Variants in LSM11 observed in about 807,000 individuals in gnomAD.
LSM11 encodes the protein U7 snRNA-associated Sm-like protein LSm11.
In LSM11, 14 loss-of-function variants were observed where a neutral mutation model predicts 28.1. The observed-to-expected ratio is 0.50, with a 90% CI of 0.33 to 0.78. The LOEUF is 0.78. LSM11 is among the 30% of genes least tolerant of loss of function. The pLI, the probability that LSM11 is intolerant of heterozygous loss-of-function variation, is 0.02. For missense variants in LSM11, 495 were observed against 510.6 expected, an observed-to-expected ratio of 0.97 and a Z score of 0.30; for synonymous variants, 207 against 214.2, an observed-to-expected ratio of 0.97 and a Z score of 0.30.
rs1761099911 is a variant in LSM11, at chr5:157,743,794, G to T, written c.44G>T (p.Ser15Ile). The T allele has an allele frequency of 1.7e-5, 25 of 1,452,860 alleles. No homozygotes were observed. Among genetic ancestry groups the T allele is most frequent in the Non-Finnish European group, 2.3e-5 (25 of 1,106,318 alleles). 90.0% of individuals were successfully genotyped at this position (1,452,860 alleles called of 1,614,324 possible). The stretch of plus-strand genomic sequence containing the variant: ...GGGGCGAGGTCGGCTGGCGCCGGGA[G>T]CCCCGCGCGCCCGCCCAGCCCGCGG... ...ERGARSAGAG[S>I]PARPPSPRLD... The change falls in exon 1 of 4, where the codon AGC (serine) becomes ATC (isoleucine). Residue 15 changes from serine (S) to isoleucine (I), a missense_variant. Physicochemically the swap from Ser to Ile is moderately radical, Grantham distance 142. Coordinates refer to ENST00000286307, the MANE Select transcript of LSM11 (RefSeq NM_173491.4).
In LSM11 at chr5:157,743,812, G is replaced by T. The variant is rs1332795393; in HGVS notation, c.62G>T (p.Ser21Ile). ...AGAGSPARPPSPRLDVSSDSF... is the reference protein window; with the variant it reads ...AGAGSPARPPIPRLDVSSDSF... Reference sequence around the variant, plus strand: ...GCCGGGAGCCCCGCGCGCCCGCCCAGCCCGCGGCTGGATGTCAGCTCTGAC... The same window carrying T: ...GCCGGGAGCCCCGCGCGCCCGCCCATCCCGCGGCTGGATGTCAGCTCTGAC... The change falls in exon 1 of 4, where the codon AGC becomes ATC. Residue 21 changes from serine (S) to isoleucine (I), a missense_variant. Ser to Ile is a moderately radical substitution (Grantham distance 142). Coordinates refer to ENST00000286307, the MANE Select transcript of LSM11 (RefSeq NM_173491.4). The T allele has an allele frequency of 1.3e-6, 2 of 1,508,786 alleles. No homozygotes were observed. Among genetic ancestry groups the T allele is most frequent in the Non-Finnish European group, 8.8e-7 (1 of 1,132,822 alleles). The allele number at this position is 1,508,786 out of a possible 1,614,324, so 93.5% of individuals were successfully genotyped here.
chr5:157,753,988 TGG>T lies in LSM11; in HGVS notation c.589-14_589-13del. 6.7e-7 allele frequency: 1 copy of T among 1,503,218 alleles called. No individual in the cohort carries two copies. Among genetic ancestry groups the T allele is most frequent in the Non-Finnish European group, 8.9e-7 (1 of 1,125,738 alleles). 93.1% of individuals were successfully genotyped at this position (1,503,218 alleles called of 1,614,324 possible). Reference sequence around the variant, plus strand: ...TAATTCTGTCTAATGTTTTTCCTTTTGGGCTGTTCCTCTAGGCACTTACTGAT... The same window carrying T: ...TAATTCTGTCTAATGTTTTTCCTTTTGCTGTTCCTCTAGGCACTTACTGAT... On this transcript the variant is annotated splice_polypyrimidine_tract_variant and intron_variant, in intron 2 of 3. Transcript: ENST00000286307.
Position 157,757,497 on chromosome 5 carries a change from GT to G in LSM11, c.*2236del, listed in dbSNP as rs1761345510. ...GGCAATCTGTGGAAGTTTGTTGTTT[GT>G]TTGTTTTTATTTTTAAATGCATTGT... On this transcript the variant is annotated 3_prime_UTR_variant, in exon 4 of 4. Transcript: ENST00000286307. The G allele has an allele frequency of 6.6e-6, 1 of 152,150 alleles. No individual in the cohort carries two copies. The highest frequency in any genetic ancestry group is 2.4e-5 in the African/African-American group (1 of 41,446). 9.4% of individuals were successfully genotyped at this position (152,150 alleles called of 1,614,324 possible).
In LSM11 at chr5:157,751,422, C is replaced by G; in HGVS notation, c.481C>G (p.Arg161Gly). 1 of 1,609,746 alleles carries G rather than the reference C, an allele frequency of 6.2e-7. No individual in the cohort carries two copies. The highest frequency in any genetic ancestry group is 8.5e-7 in the Non-Finnish European group (1 of 1,178,426). Residue 161 changes from arginine to glycine, a missense_variant, in exon 2 of 4, where the codon CGC (arginine) becomes GGC (glycine). By Grantham distance (125) the Arg-to-Gly change is moderately radical. Coordinates refer to ENST00000286307, the MANE Select transcript of LSM11 (RefSeq NM_173491.4). ...AGGCAGCCCTCTGGGTGAACTCCAT[C>G]GCTGTATCCGTGAGGGGGTGAAGGT... ...HEGSPLGELH[R>G]CIREGVKVNV...
rs1458871842 is a variant in LSM11 at position 157,744,039 on chromosome 5, C to G, written c.289C>G (p.Arg97Gly). The change falls in exon 1 of 4, where the codon CGT (arginine) becomes GGT (glycine). Residue 97 changes from arginine (R) to glycine (G), a missense_variant. Arg to Gly is a moderately radical substitution (Grantham distance 125). Transcript: ENST00000286307. ...CGCACCCGGGCCCTCGGGCAGGACT[C>G]GTCGCCGCCCGGACGCGCCCGCCCC... ...PAAPGPSGRT[R>G]RRPDAPAPDP... is the part of the protein sequence containing the mutation. The G allele has an allele frequency of 2.8e-6, 4 of 1,421,790 alleles. No individual in the cohort carries two copies. Among genetic ancestry groups the G allele is most frequent in the Non-Finnish European group, 3.7e-6 (4 of 1,086,164 alleles). 88.1% of individuals were successfully genotyped at this position (1,421,790 alleles called of 1,614,324 possible).
Position 157,743,895 on chromosome 5 carries a change from A to C in LSM11, c.145A>C (p.Asn49His). ...CCGCCTGCCTCCCATTCCCTACCCC[A>C]ATGCCCCCTGCTTCAACAACGTGGC... ...APRLPPIPYP[N>H]APCFNNVAEY... The change falls in exon 1 of 4, where the codon AAT becomes CAT. Residue 49 changes from asparagine (N) to histidine (H), a missense_variant. By Grantham distance (68) the Asn-to-His change is moderately conservative (BLOSUM62 1). Coordinates refer to ENST00000286307, the MANE Select transcript of LSM11 (RefSeq NM_173491.4). 1 of 1,539,444 alleles carries C rather than the reference A, an allele frequency of 6.5e-7. No homozygotes were observed. The highest frequency in any genetic ancestry group is 8.7e-7 in the Non-Finnish European group (1 of 1,143,824).
intron 2 of LSM11, among the ~76,000 whole-genome samples, chr5:157,753,227 G>C (rs1203397959): frequency 6.6e-6 from 1 of 152,160 alleles, no homozygotes. Flanking sequence ...ATCATCACTT[G>C]GTAACTGTGT....
In LSM11 at chr5:157,751,511, C is replaced by G; in HGVS notation, c.570C>G (p.Phe190Leu). 1 of 1,612,310 alleles carries G rather than the reference C, an allele frequency of 6.2e-7. No homozygotes were observed. Among genetic ancestry groups the G allele is most frequent in the Non-Finnish European group, 8.5e-7 (1 of 1,179,320 alleles). The stretch of plus-strand genomic sequence containing the variant: ...TCTGTACAGGCTTCCTTGTTGCATT[C>G]GACAAGTTCTGGAATATGGTAATTA... ...RGVCTGFLVA[F>L]DKFWNMALTD... The change falls in exon 2 of 4, where the codon TTC (phenylalanine) becomes TTG (leucine). Residue 190 changes from phenylalanine (F) to leucine (L), a missense_variant. Phe to Leu is a conservative substitution (Grantham distance 22). Transcript: ENST00000286307.
intron 1 of LSM11, among the ~76,000 whole-genome samples, chr5:157,748,067 C>G (rs1425796728): frequency 6.6e-6 from 1 of 151,994 alleles, no homozygotes; most frequent in African/African-American, 2.4e-5. Context: ...AGGGAAGACA[C>G]TGATGTGCCT....
At chr5:157,749,730 C>T (rs1414604787) in intron 1 of LSM11, among the ~76,000 whole-genome samples, 3 of 152,206 alleles carry the variant, frequency 2.0e-5, no homozygotes, top group Admixed American at 6.5e-5. Context: ...GTCACTGCTT[C>T]GTGTCGCTTC....
Position 157,755,000 on chromosome 5 carries a change from C to T in LSM11, c.819C>T (p.Gly273=), listed in dbSNP as rs1761301642. Residue 273 remains glycine, a synonymous_variant, in exon 4 of 4, where the codon GGC becomes GGT. Transcript: ENST00000286307. ...SVWGRADTGR[G]SHKRSRSVPS... ...GGGGAAGAGCAGACACTGGCCGGGG[C>T]TCACACAAGCGTTCCCGCTCTGTCC... The T allele has an allele frequency of 1.2e-6, 2 of 1,614,090 alleles. No homozygotes were observed. The highest frequency in any genetic ancestry group is 1.3e-5 in the African/African-American group (1 of 74,940).
chr5:157,750,161 G>A (rs1761209232), intron 1 of LSM11, among the ~76,000 whole-genome samples: 1 of 152,156 alleles, frequency 6.6e-6, no homozygotes, highest in Non-Finnish European at 1.5e-5. Context: ...TGAGCTAGGG[G>A]GATCGCTTGA....
In LSM11 at chr5:157,744,112, A is replaced by G; in HGVS notation, c.362A>G (p.Glu121Gly). ...CTCCGCCGTCTCATGGTGGCCAAAG[A>G]GGAAGGGGACGGGGCCGCAGGAGCG... ...QRLRRLMVAK[E>G]EGDGAAGAGR... The change falls in exon 1 of 4, where the codon GAG (glutamate) becomes GGG (glycine). Residue 121 changes from glutamate to glycine, a missense_variant. Glu to Gly is a moderately conservative substitution (Grantham distance 98, BLOSUM62 -2). Coordinates refer to ENST00000286307, the MANE Select transcript of LSM11 (RefSeq NM_173491.4). The G allele has an allele frequency of 6.7e-7, 1 of 1,486,140 alleles. No individual in the cohort carries two copies. The highest frequency in any genetic ancestry group is 8.9e-7 in the Non-Finnish European group (1 of 1,123,500). The allele number at this position is 1,486,140 out of a possible 1,614,324, so 92.1% of individuals were successfully genotyped here. A position where few individuals can be genotyped will look rare whatever the true frequency, so the allele number is the denominator to read the frequency against.
chr5:157,743,992 CCG>C lies in LSM11; in HGVS notation c.245_246del (p.Ala82GlyfsTer76), dbSNP rs1561618410. 1 of 1,267,418 alleles carries C rather than the reference CCG, an allele frequency of 7.9e-7. No homozygotes were observed. The allele number at this position is 1,267,418 out of a possible 1,614,324, so 78.5% of individuals were successfully genotyped here. A position where few individuals can be genotyped will look rare whatever the true frequency, so the allele number is the denominator to read the frequency against. On this transcript the variant is annotated frameshift_variant, in exon 1 of 4. Coordinates refer to ENST00000286307, the MANE Select transcript of LSM11 (RefSeq NM_173491.4). LOFTEE classifies it high-confidence loss of function. ...GGGCGCGGGCGGGCTCGGGGCGCGGCCGCGGGCTCTGGGGTTCCCGCCGCACC... is the reference window on the plus strand; with the variant it reads ...GGGCGCGGGCGGGCTCGGGGCGCGGCCGGGCTCTGGGGTTCCCGCCGCACC...
chr5:157,752,282 A>G (rs1356977621), intron 2 of LSM11, among the ~76,000 whole-genome samples: 2 of 150,306 alleles, frequency 1.3e-5, no homozygotes. Context: ...GGCCCCTGCC[A>G]CCATGCCCAG....
At chr5:157,754,169 G>C in intron 3 of LSM11, 82 bp downstream of exon 3, 1 of 924,874 alleles carries the variant, frequency 1.1e-6, no homozygotes, top group Non-Finnish European at 1.6e-6. Context: ...CAGTGACTAG[G>C]ATTTCCTAGA....
intron 2 of LSM11, among the ~76,000 whole-genome samples, chr5:157,751,741 G>A (rs1007605040): frequency 2.6e-5 from 4 of 152,104 alleles, no homozygotes; most frequent in African/African-American, 9.7e-5. Context: ...AGGTAATTTT[G>A]TTCTTCCTTC....
intron 1 of LSM11, among the ~76,000 whole-genome samples, 196 bp downstream of exon 1, chr5:157,744,394 G>A (rs958131275): frequency 6.6e-6 from 1 of 152,176 alleles, no homozygotes; most frequent in Admixed American, 6.5e-5. Flanking sequence ...GGCGTGGGGA[G>A]GGTCACCCTG....
At chr5:157,750,990 C>T (rs1483183881) in intron 1 of LSM11, among the ~76,000 whole-genome samples, 1 of 152,114 alleles carries the variant, frequency 6.6e-6, no homozygotes, top group East Asian at 1.9e-4. Flanking sequence ...CCATGTTGGC[C>T]AGGCTGATCT....
Sources: allele counts gnomAD v4.1 joint callset (sites outside exome capture counted in the v4.1 genomes callset), GRCh38; gene constraint gnomAD v4.1.1; transcripts MANE v1.5; gene names NCBI Gene and HGNC (gene_info 2026-07-23, HGNC 2026-07-21).